The following CNTN5 variants were observed in gnomAD, a reference collection of about 807,000 sequenced individuals.
CNTN5 encodes contactin 5, also known as contactin-5.
Under a neutral mutation model 129.1 loss-of-function variants are expected in CNTN5, and 77 were observed. The observed-to-expected ratio is 0.60, with a 90% CI of 0.50 to 0.72. The LOEUF is 0.72. Among genes scored for constraint, CNTN5 ranks in the 30% least tolerant of loss-of-function variants. The pLI, the probability that CNTN5 is intolerant of heterozygous loss-of-function variation, is 0.00. For synonymous variants in CNTN5, 509 were observed against 465.6 expected (o/e 1.09, Z -1.20); for missense variants, 1,478 against 1,328.8 (o/e 1.11, Z -1.75).
At chr11:100,291,378 A>T (rs1950964974) in intron 18 of CNTN5, among the ~76,000 whole-genome samples, 1 of 150,616 alleles carries the variant, frequency 6.6e-6, no homozygotes, top group Non-Finnish European at 1.5e-5. Context: ...ACAATGATAG[A>T]CTGGATTAAG....
At chr11:99,881,230 A>G (rs555386749) in intron 6 of CNTN5, among the ~76,000 whole-genome samples, 2 of 152,286 alleles carry the variant, frequency 1.3e-5, no homozygotes, top group South Asian at 2.1e-4. Context: ...TCTACATACT[A>G]CACACTCTTG....
At chr11:100,280,947 AAGTAAAAAGAAAACT>A (rs1390496913) in intron 18 of CNTN5, among the ~76,000 whole-genome samples, 1 of 152,174 alleles carries the variant, frequency 6.6e-6, no homozygotes, top group African/African-American at 2.4e-5. Flanking sequence ...CAAAACAAAC[AAGTAAAAAGAAAACT>A]AGTAAAAAAT....
At chr11:100,056,600 G>C (rs1329279676) in intron 9 of CNTN5, among the ~76,000 whole-genome samples, 1 of 151,574 alleles carries the variant, frequency 6.6e-6, no homozygotes, top group African/African-American at 2.4e-5. Context: ...TATTTTCAGA[G>C]AGAAAATTCA....
At chr11:99,804,854 C>T (rs1231576945) in intron 3 of CNTN5, among the ~76,000 whole-genome samples, 2 of 149,528 alleles carry the variant, frequency 1.3e-5, no homozygotes, top group Non-Finnish European at 3.0e-5. Flanking sequence ...AAAATATATA[C>T]ACATATATAT....
intron 3 of CNTN5, among the ~76,000 whole-genome samples, chr11:99,712,277 C>A (rs1955026197): frequency 6.6e-6 from 1 of 152,096 alleles, no homozygotes; most frequent in Admixed American, 6.6e-5. Context: ...AAAATGTATT[C>A]TTTAGAGAAG....
chr11:99,610,329 C>T (rs374476333), intron 3 of CNTN5, among the ~76,000 whole-genome samples: 1 of 152,070 alleles, frequency 6.6e-6, no homozygotes, highest in Admixed American at 6.6e-5. Flanking sequence ...GCATCATATT[C>T]TATCTGGTGT....
rs566675732 is a variant in CNTN5 at position 99,831,226 on chromosome 11, A to G, written c.277+11461A>G. On this transcript the variant is annotated intron_variant, in intron 4 of 24. Transcript: ENST00000524871. ...AAATAAATTTGTTTATTCCTCTAAC[A>G]TAATAATCCATGCTTCAGGATTCAG... is the stretch of plus-strand genomic sequence containing the variant. 2.6e-5 allele frequency among the ~76,000 whole-genome samples: 4 copies of G among 152,306 alleles called. 1 individual carries two copies. Among genetic ancestry groups the G allele is most frequent in the South Asian group, 4.1e-4 (2 of 4,832 alleles).
intron 1 of CNTN5, among the ~76,000 whole-genome samples, chr11:99,126,095 C>G (rs11218492): frequency 6.6e-6 from 1 of 151,818 alleles, no homozygotes; most frequent in Non-Finnish European, 1.5e-5. Context: ...TTTTGGGGAG[C>G]AATGTTCTAT....
chr11:99,826,151 CT>C (rs1031556288), intron 4 of CNTN5, among the ~76,000 whole-genome samples: 1 of 151,178 alleles, frequency 6.6e-6, no homozygotes, highest in Non-Finnish European at 1.5e-5. Flanking sequence ...TTGACTTTGG[CT>C]TTTTTTTGCA....
chr11:99,174,360 C>T (rs544048453), intron 1 of CNTN5, among the ~76,000 whole-genome samples: 1 of 152,128 alleles, frequency 6.6e-6, no homozygotes, highest in African/African-American at 2.4e-5. Context: ...TCCAATTAGA[C>T]TTGGTTATAT....
At chr11:99,349,379 A>G (rs1327885614) in intron 2 of CNTN5, among the ~76,000 whole-genome samples, 1 of 152,124 alleles carries the variant, frequency 6.6e-6, no homozygotes, top group Non-Finnish European at 1.5e-5. Flanking sequence ...TCTTCTCCCC[A>G]CTACCCTTAA....
chr11:100,096,414 G>C (rs879745225), intron 13 of CNTN5, among the ~76,000 whole-genome samples: 6 of 151,986 alleles, frequency 3.9e-5, no homozygotes, highest in African/African-American at 2.4e-5. Context: ...ATATATACCC[G>C]TATTCTGGGA....
chr11:99,277,084 C>T (rs1305240036), intron 1 of CNTN5, among the ~76,000 whole-genome samples: 5 of 151,630 alleles, frequency 3.3e-5, no homozygotes, highest in African/African-American at 4.8e-5. Context: ...ACATACATAT[C>T]ATTTTGAAAA....
chr11:99,652,703 A>C (rs539833230), intron 3 of CNTN5, among the ~76,000 whole-genome samples: 2 of 152,226 alleles, frequency 1.3e-5, no homozygotes, highest in African/African-American at 4.8e-5. Flanking sequence ...TTAAGTTTGC[A>C]GTCGAAATAC....
At chr11:99,231,913 C>A (rs1211489865) in intron 1 of CNTN5, among the ~76,000 whole-genome samples, 1 of 152,056 alleles carries the variant, frequency 6.6e-6, no homozygotes, top group East Asian at 1.9e-4. Context: ...GGAATCATTT[C>A]CTCATTGCTT....
chr11:100,002,844 GTTTTC>G (rs1014507919), intron 9 of CNTN5, among the ~76,000 whole-genome samples: 4 of 127,972 alleles, frequency 3.1e-5, no homozygotes, highest in Non-Finnish European at 4.8e-5. Context: ...ACAGAGTGTT[GTTTTC>G]TTTTTTTTTA....
intron 1 of CNTN5, among the ~76,000 whole-genome samples, chr11:99,201,209 A>G (rs1859165071): frequency 2.0e-5 from 3 of 151,432 alleles, no homozygotes; most frequent in South Asian, 4.2e-4. Flanking sequence ...TATTTTTAGT[A>G]GAGATGGGGT....
rs189892297 is a variant in CNTN5 at position 99,994,456 on chromosome 11, C to A, written c.878-7578C>A. On this transcript the variant is annotated intron_variant, in intron 8 of 24. Coordinates refer to ENST00000524871, the MANE Select transcript of CNTN5 (RefSeq NM_014361.4). ...GCTTTGGAGGTTGAAGTCCCTTTCT[C>A]CTAAGATCTCTTTAGACAATTTACT... Among the ~76,000 whole-genome samples, 693 of 152,248 alleles carry A rather than the reference C, an allele frequency of 4.6e-3. 8 individuals are homozygous for A. The highest frequency in any genetic ancestry group is 0.041 in the Middle Eastern group (12 of 294).
intron 4 of CNTN5, among the ~76,000 whole-genome samples, chr11:99,835,886 C>G (rs1198848964): frequency 2.0e-5 from 3 of 152,030 alleles, no homozygotes; most frequent in Non-Finnish European, 4.4e-5. Flanking sequence ...ATCAGCAAGA[C>G]TATGTAATAT....
Sources: allele counts gnomAD v4.1 joint callset (sites outside exome capture counted in the v4.1 genomes callset), GRCh38; gene constraint gnomAD v4.1.1; transcripts MANE v1.5; gene names NCBI Gene and HGNC (gene_info 2026-07-23, HGNC 2026-07-21).